MNAT1: variants seen among roughly 807,000 people sequenced by gnomAD.
MNAT1 encodes MNAT1 component of CDK activating kinase, also known as CDK-activating kinase assembly factor MAT1.
In MNAT1, 43 loss-of-function variants were observed where a neutral mutation model predicts 42.0. The ratio of observed to expected loss-of-function variants is 1.02; its 90% confidence interval spans 0.80 to 1.32. The LOEUF is 1.32. Among genes scored for constraint, MNAT1 ranks in the 40% most tolerant of loss-of-function variants. The pLI is 0.00. For missense variants in MNAT1, 306 were observed against 350.4 expected (o/e 0.87, Z 1.01); for synonymous variants, 118 against 120.0 (o/e 0.98, Z 0.11).
intron 2 of MNAT1, among the ~76,000 whole-genome samples, chr14:60,797,389 C>T (rs544623575): frequency 4.2e-4 from 64 of 151,902 alleles, no homozygotes; most frequent in African/African-American, 1.5e-3. Context: ...ATGGAGGAGT[C>T]GCTTCAATTT....
chr14:60,734,832 G>T lies in MNAT1; in HGVS notation c.-31G>T. Reference sequence around the variant, plus strand: ...GTAGGTGGCTCTGGCTGAAACAGGCGCCTGCGAGAGTCTGTAGGAGGGAAA... The same window carrying T: ...GTAGGTGGCTCTGGCTGAAACAGGCTCCTGCGAGAGTCTGTAGGAGGGAAA... On this transcript the variant is annotated 5_prime_UTR_variant, in exon 1 of 8. Transcript: ENST00000261245. The surrounding 1 kb of genome is among the most constrained non-coding windows in gnomAD (Gnocchi z 4.3). 1 of 1,609,014 alleles carries T rather than the reference G, an allele frequency of 6.2e-7. No individual in the cohort carries two copies. Among genetic ancestry groups the T allele is most frequent in the African/African-American group, 1.3e-5 (1 of 74,954 alleles).
chr14:60,773,698 C>T (rs2031147900), intron 1 of MNAT1, among the ~76,000 whole-genome samples: 1 of 152,082 alleles, frequency 6.6e-6, no homozygotes, highest in Non-Finnish European at 1.5e-5. Flanking sequence ...AAAACTGCTG[C>T]TGCTGATTCC....
chr14:60,779,743 A>G (rs1255998749), intron 1 of MNAT1, among the ~76,000 whole-genome samples: 1 of 151,808 alleles, frequency 6.6e-6, no homozygotes, highest in African/African-American at 2.4e-5. Context: ...CCGAGATCGC[A>G]CCACTGCACT....
At chr14:60,735,673 T>C (rs974238822) in intron 1 of MNAT1, among the ~76,000 whole-genome samples, 3 of 152,176 alleles carry the variant, frequency 2.0e-5, no homozygotes, top group Non-Finnish European at 4.4e-5. Context: ...CTTGAGAGAA[T>C]TGGAACCCAG....
At chr14:60,920,092 C>G (rs561038197) in intron 7 of MNAT1, 1 of 153,032 alleles carries the variant, frequency 6.5e-6, no homozygotes, top group African/African-American at 2.4e-5. Context: ...GCATGTCTTG[C>G]AGAATCAGTC....
At chr14:60,942,003 CAA>C (rs3080602) in intron 7 of MNAT1, among the ~76,000 whole-genome samples, 14 of 29,936 alleles carry the variant, frequency 4.7e-4, no homozygotes, top group African/African-American at 1.9e-3. Context: ...GGCTCCATCT[CAA>C]AAAAAAAAAA....
chr14:60,939,748 C>G (rs556240455), intron 7 of MNAT1, among the ~76,000 whole-genome samples: 6 of 152,254 alleles, frequency 3.9e-5, no homozygotes, highest in African/African-American at 1.4e-4. Context: ...TCTATTAGGT[C>G]TGCTTGGTGC....
intron 6 of MNAT1, among the ~76,000 whole-genome samples, chr14:60,826,044 G>T (rs1481621082): frequency 6.6e-6 from 1 of 152,176 alleles, no homozygotes. Context: ...GGTTCAAAAT[G>T]GGCATAAAAT....
intron 7 of MNAT1, among the ~76,000 whole-genome samples, chr14:60,913,076 T>C (rs2139532089): frequency 6.6e-6 from 1 of 152,310 alleles, no homozygotes. Context: ...TTCATTCATT[T>C]CATCTTCCAC....
intron 6 of MNAT1, among the ~76,000 whole-genome samples, chr14:60,871,874 C>T (rs1389546232): frequency 6.6e-6 from 1 of 152,098 alleles, no homozygotes; most frequent in East Asian, 1.9e-4. Flanking sequence ...CCACCCGCCT[C>T]GGCCTCCCAA....
At chr14:60,865,440 C>G (rs1243671106) in intron 6 of MNAT1, among the ~76,000 whole-genome samples, 1 of 152,052 alleles carries the variant, frequency 6.6e-6, no homozygotes, top group Non-Finnish European at 1.5e-5. Flanking sequence ...AAAGTTTTTA[C>G]AGAAAATTTC....
rs564417065 is a variant in MNAT1, at chr14:60,740,045, T to C, written c.89+5094T>C. Among the ~76,000 whole-genome samples, 5 of 152,068 alleles carry C rather than the reference T, an allele frequency of 3.3e-5. No individual in the cohort carries two copies. Among genetic ancestry groups the C allele is most frequent in the Non-Finnish European group, 7.4e-5 (5 of 67,998 alleles). On this transcript the variant is annotated intron_variant, in intron 1 of 7. Transcript: ENST00000261245. This position sits in a 1 kb window ranked among gnomAD's most constrained non-coding sequence, Gnocchi z 4.1. ...GGCATGGGCATGTAATCCCAGGTAC[T>C]TGGGGAGGCTAAGGCAGGAGAATCA... is the stretch of plus-strand genomic sequence containing the variant.
At chr14:60,788,530 G>A (rs1333059991) in intron 1 of MNAT1, among the ~76,000 whole-genome samples, 1 of 152,166 alleles carries the variant, frequency 6.6e-6, no homozygotes, top group African/African-American at 2.4e-5. Flanking sequence ...CTCCTCTGTA[G>A]CTATGGAAGT....
chr14:60,742,908 T>G (rs550795370), intron 1 of MNAT1, among the ~76,000 whole-genome samples: 6 of 152,384 alleles, frequency 3.9e-5, no homozygotes, highest in Admixed American at 6.5e-5. Context: ...GAAGAACATT[T>G]GAGTCATTTC....
rs557830617 is a variant in MNAT1, at chr14:60,866,666, C to T, written c.688-13048C>T. On this transcript the variant is annotated intron_variant, in intron 6 of 7. Coordinates refer to ENST00000261245, the MANE Select transcript of MNAT1 (RefSeq NM_002431.4). ...ATTGCATGTGACCACAAATATATCA[C>T]TGTAGTTAGTGTCTATATGAGCCTT... is the stretch of plus-strand genomic sequence containing the variant. 3.9e-5 allele frequency among the ~76,000 whole-genome samples: 6 copies of T among 152,156 alleles called. No individual in the cohort carries two copies. In the South Asian group the frequency reaches 1.2e-3, roughly 32 times the overall value.
chr14:60,862,451 C>T (rs1347367153), intron 6 of MNAT1, among the ~76,000 whole-genome samples: 1 of 152,098 alleles, frequency 6.6e-6, no homozygotes, highest in Non-Finnish European at 1.5e-5. Context: ...GAAATAATGC[C>T]CCTTAGTTCC....
rs570503870 is a variant in MNAT1 at position 60,745,820 on chromosome 14, A to G, written c.89+10869A>G. On this transcript the variant is annotated intron_variant, in intron 1 of 7. Transcript: ENST00000261245. ...TTCTGATTACTTTTTTGTTTTTACT[A>G]CCTCAGCTCCTTCCCTAATATTTTT... Among the ~76,000 whole-genome samples, 4 of 152,162 alleles carry G rather than the reference A, an allele frequency of 2.6e-5. No homozygotes were observed. The South Asian group carries it at 6.2e-4, about 24-fold the overall frequency.
intron 1 of MNAT1, among the ~76,000 whole-genome samples, chr14:60,788,338 C>T (rs116469067): frequency 0.016 from 2,431 of 152,238 alleles, 43 homozygotes; most frequent in South Asian, 0.062. Flanking sequence ...AATAGATGCG[C>T]CATCATTCAG....
At chr14:60,910,251 A>C (rs1054812430) in intron 7 of MNAT1, among the ~76,000 whole-genome samples, 1 of 152,204 alleles carries the variant, frequency 6.6e-6, no homozygotes, top group Non-Finnish European at 1.5e-5. Context: ...TTCTAGATAT[A>C]CAATCATGTC....
Sources: allele counts gnomAD v4.1 joint callset (sites outside exome capture counted in the v4.1 genomes callset), GRCh38; gene constraint gnomAD v4.1.1; non-coding constraint Gnocchi (gnomAD v3.1); transcripts MANE v1.5; gene names NCBI Gene and HGNC (gene_info 2026-07-23, HGNC 2026-07-21).